Variants in ETFA observed in about 807,000 individuals in gnomAD.
The protein encoded by ETFA is electron transfer flavoprotein subunit alpha.
Under a neutral mutation model 46.2 loss-of-function variants are expected in ETFA, and 22 were observed. The observed-to-expected ratio is 0.48, with a 90% CI of 0.34 to 0.68. The LOEUF is 0.68. Among genes scored for constraint, ETFA ranks in the 30% least tolerant of loss-of-function variants. The pLI is 0.01. For missense variants in ETFA, 345 were observed against 401.1 expected (o/e 0.86, Z 1.19); for synonymous variants, 131 against 139.9 (o/e 0.94, Z 0.45).
chr15:76,271,827 A>C (rs2039534944), intron 9 of ETFA, among the ~76,000 whole-genome samples: 1 of 152,184 alleles, frequency 6.6e-6, no homozygotes, highest in Non-Finnish European at 1.5e-5. Context: ...TTTCCAAAAA[A>C]AGTTTCAGAT....
intron 1 of ETFA, among the ~76,000 whole-genome samples, chr15:76,299,145 T>C (rs971732715): frequency 9.2e-5 from 14 of 152,234 alleles, no homozygotes; most frequent in East Asian, 5.8e-4. Flanking sequence ...AAATTAACTA[T>C]GCAGGCCTAT....
At position 76,224,291 on chromosome 15, in the gene ETFA, T is replaced by A. The variant is rs546957855; in HGVS notation, c.963+1558A>T. Among the ~76,000 whole-genome samples the A allele has an allele frequency of 2.6e-5, 4 of 152,282 alleles. No homozygotes were observed. The South Asian group carries it at 8.3e-4, about 32-fold the overall frequency. ...TCTTACACACTTGGGCCAGGCAACA[T>A]GAGCAGCTGACCTACCTGAATCCCA... On this transcript the variant is annotated intron_variant, in intron 11 of 11. Transcript: ENST00000557943.
At chr15:76,304,025 T>C (rs1317659408) in intron 1 of ETFA, among the ~76,000 whole-genome samples, 1 of 152,156 alleles carries the variant, frequency 6.6e-6, no homozygotes, top group Admixed American at 6.5e-5. Context: ...AGCAAAGACA[T>C]GGAATCAACC....
chr15:76,289,110 T>C (rs2039732277), intron 4 of ETFA, among the ~76,000 whole-genome samples: 1 of 152,078 alleles, frequency 6.6e-6, no homozygotes, highest in African/African-American at 2.4e-5. Context: ...GTTTTGTTTT[T>C]TTCTGTAGAA....
At position 76,215,781 on chromosome 15, in the gene ETFA, C is replaced by G. The variant is rs2038891177; in HGVS notation, c.*778G>C. 1.3e-5 allele frequency: 2 copies of G among 152,252 alleles called. No individual in the cohort carries two copies. Among genetic ancestry groups the G allele is most frequent in the Non-Finnish European group, 2.9e-5 (2 of 68,106 alleles). The allele number at this position is 152,252 out of a possible 1,614,324, so 9.4% of individuals were successfully genotyped here. ...AAGCCAACAGAAGGCAAAAGAAAGG[C>G]TAGAGCATTCTCTGCACAGGATTTT... On this transcript the variant is annotated 3_prime_UTR_variant, in exon 12 of 12. Coordinates refer to ENST00000557943, the MANE Select transcript of ETFA (RefSeq NM_000126.4).
At chr15:76,301,901 C>G (rs1396909746) in intron 1 of ETFA, among the ~76,000 whole-genome samples, 1 of 152,048 alleles carries the variant, frequency 6.6e-6, no homozygotes, top group Non-Finnish European at 1.5e-5. Flanking sequence ...GAACAGGTAC[C>G]TCACCAAAGA....
chr15:76,292,718 G>T lies in ETFA; in HGVS notation c.187-18C>A. The T allele has an allele frequency of 6.6e-7, 1 of 1,520,414 alleles. No homozygotes were observed. Among genetic ancestry groups the T allele is most frequent in the Non-Finnish European group, 9.1e-7 (1 of 1,094,592 alleles). The allele number at this position is 1,520,414 out of a possible 1,614,324, so 94.2% of individuals were successfully genotyped here. A position where few individuals can be genotyped will look rare whatever the true frequency, so the allele number is the denominator to read the frequency against. On this transcript the variant is annotated intron_variant, in intron 2 of 11. Transcript: ENST00000557943. ...TGTGCCACCTATGATTAAAAGATAA[G>T]TTCCTAATTATCCATCTATCAGAAA...
Position 76,292,337 on chromosome 15 carries a change from T to G in ETFA, c.351+94A>C, listed in dbSNP as rs1309035403. On this transcript the variant is annotated intron_variant, in intron 4 of 11. Transcript: ENST00000557943. ...CACATCAATTCAGATAAATCCAGAT[T>G]GGCTACATAAACAGTCTGTTGCATA... is the stretch of plus-strand genomic sequence containing the variant. 1.3e-5 allele frequency: 11 copies of G among 840,406 alleles called. No individual in the cohort carries two copies. In the Middle Eastern group the frequency reaches 7.3e-4, roughly 56 times the overall value. The allele number at this position is 840,406 out of a possible 1,614,324, so 52.1% of individuals were successfully genotyped here. A position where few individuals can be genotyped will look rare whatever the true frequency, so the allele number is the denominator to read the frequency against.
chr15:76,233,880 G>A (rs962180785), intron 9 of ETFA, among the ~76,000 whole-genome samples: 1 of 152,146 alleles, frequency 6.6e-6, no homozygotes, highest in Non-Finnish European at 1.5e-5. Flanking sequence ...CATGTCTACA[G>A]CAAATTCAAG....
chr15:76,263,246 T>G (rs1361697616), intron 9 of ETFA, among the ~76,000 whole-genome samples: 1 of 152,228 alleles, frequency 6.6e-6, no homozygotes, highest in African/African-American at 2.4e-5. Context: ...TCCCACTTTC[T>G]TTCATCTTTT....
At chr15:76,255,099 T>TA in intron 9 of ETFA, among the ~76,000 whole-genome samples, 1 of 152,150 alleles carries the variant, frequency 6.6e-6, no homozygotes, top group Admixed American at 6.5e-5. Context: ...CAACCATGTC[T>TA]AAAGATGCTG....
intron 7 of ETFA, chr15:76,284,303 A>G (rs2039684482): frequency 6.2e-6 from 1 of 162,196 alleles, no homozygotes; most frequent in African/African-American, 2.4e-5. Flanking sequence ...CAGATAACCA[A>G]TATACATTTC....
chr15:76,296,052 T>TCTCCCGCC (rs2039819632), intron 1 of ETFA, among the ~76,000 whole-genome samples: 1 of 147,302 alleles, frequency 6.8e-6, no homozygotes, highest in Non-Finnish European at 1.5e-5. Flanking sequence ...TTCATGCCAT[T>TCTCCCGCC]CTCCCGCCTC....
At chr15:76,237,383 CA>C (rs1381836418) in intron 9 of ETFA, among the ~76,000 whole-genome samples, 1 of 152,086 alleles carries the variant, frequency 6.6e-6, no homozygotes, top group East Asian at 1.9e-4. Context: ...ACCTCAAACA[CA>C]TATTAGAAAA....
intron 9 of ETFA, among the ~76,000 whole-genome samples, chr15:76,267,304 G>A (rs967427042): frequency 6.6e-6 from 1 of 152,218 alleles, no homozygotes; most frequent in Non-Finnish European, 1.5e-5. Context: ...TGTGCTAGTA[G>A]GACAAGCGAG....
chr15:76,293,217 C>A (rs2039785043), intron 2 of ETFA, among the ~76,000 whole-genome samples: 3 of 152,178 alleles, frequency 2.0e-5, no homozygotes. Flanking sequence ...TACTGACTGA[C>A]CTTACACTGT....
intron 1 of ETFA, among the ~76,000 whole-genome samples, chr15:76,307,277 C>G (rs1032143464): frequency 6.6e-6 from 1 of 152,164 alleles, no homozygotes; most frequent in Non-Finnish European, 1.5e-5. Flanking sequence ...GGTGTGTTCT[C>G]TAGCTCTTTA....
chr15:76,250,524 C>G lies in ETFA; in HGVS notation c.817-19126G>C, dbSNP rs1009057102. Among the ~76,000 whole-genome samples the G allele has an allele frequency of 2.6e-5, 4 of 151,930 alleles. No individual in the cohort carries two copies. In the South Asian group the frequency reaches 8.3e-4, roughly 32 times the overall value. ...TGAAATGTCTTGAAACAATAGTAATCAAATTTAGGATAATGGCTACTTTTT... is the reference window on the plus strand; with the variant it reads ...TGAAATGTCTTGAAACAATAGTAATGAAATTTAGGATAATGGCTACTTTTT... On this transcript the variant is annotated intron_variant, in intron 9 of 11. Coordinates refer to ENST00000557943, the MANE Select transcript of ETFA (RefSeq NM_000126.4).
At chr15:76,299,046 T>G (rs1457101516) in intron 1 of ETFA, among the ~76,000 whole-genome samples, 3 of 152,228 alleles carry the variant, frequency 2.0e-5, no homozygotes, top group Non-Finnish European at 4.4e-5. Context: ...GCCAAATTCT[T>G]AAACATTTAA....
Sources: allele counts gnomAD v4.1 joint callset (sites outside exome capture counted in the v4.1 genomes callset), GRCh38; gene constraint gnomAD v4.1.1; transcripts MANE v1.5; gene names NCBI Gene and HGNC (gene_info 2026-07-23, HGNC 2026-07-21).